CR1: variants seen among roughly 807,000 people sequenced by gnomAD.
CR1 encodes complement receptor type 1.
In CR1, 116 loss-of-function variants were observed where a neutral mutation model predicts 187.3. The observed-to-expected ratio is 0.62, with a 90% CI of 0.53 to 0.72. The LOEUF (loss-of-function observed/expected upper bound fraction) is 0.72. CR1 is among the 30% of genes least tolerant of loss of function. The pLI is 0.00. For synonymous variants in CR1, 576 were observed against 747.1 expected (o/e 0.77, Z 3.73); for missense variants, 1,731 against 2,110.7 (o/e 0.82, Z 3.52).
chr1:207,637,634 T>G (rs1662857275), intron 46 of CR1, among the ~76,000 whole-genome samples: 1 of 152,252 alleles, frequency 6.6e-6, no homozygotes. Flanking sequence ...CCTAGGCAGA[T>G]AGGAGGATAA....
rs1332301171 is a variant in CR1 at position 207,617,507 on chromosome 1, A to ATATGTGTGTGTGTGTG, written c.6890-563_6890-562insATGTGTGTGTGTGTGT. On this transcript the variant is annotated intron_variant, in intron 41 of 46. Coordinates refer to ENST00000367049, the MANE Select transcript of CR1 (RefSeq NM_000651.6). ...AGTATATATATATATATATATATATATGTGTGTGTGTGTGTGTGTGTGTGT... is the reference window on the plus strand; with the variant it reads ...AGTATATATATATATATATATATATATATGTGTGTGTGTGTGTGTGTGTGTGTGTGTGTGTGTGTGT... Among the ~76,000 whole-genome samples the ATATGTGTGTGTGTGTG allele has an allele frequency of 1.9e-3, 91 of 47,026 alleles. 4 individuals carry two copies. Among genetic ancestry groups the ATATGTGTGTGTGTGTG allele is most frequent in the African/African-American group, 5.6e-3 (88 of 15,784 alleles). The allele number at this position is 47,026 out of a possible 152,430, so 30.9% of individuals were successfully genotyped here.
At chr1:207,589,663 T>C (rs1347273770) in intron 35 of CR1, among the ~76,000 whole-genome samples, 4 of 151,952 alleles carry the variant, frequency 2.6e-5, no homozygotes. Flanking sequence ...AATAACAAAC[T>C]CCTCTGAGCT....
Position 207,639,485 on chromosome 1 carries a change from A to G in CR1, c.*76A>G, listed in dbSNP as rs1662915709. On this transcript the variant is annotated 3_prime_UTR_variant, in exon 47 of 47. Transcript: ENST00000367049. ...GGAGCCAATTGATTTCAACAGAATC[A>G]GATCTGAGCTTCATAAAGTCTTTGA... The G allele has an allele frequency of 7.2e-7, 1 of 1,396,894 alleles. No homozygotes were observed. Among genetic ancestry groups the G allele is most frequent in the Admixed American group, 2.0e-5 (1 of 50,968 alleles). 86.5% of individuals were successfully genotyped at this position (1,396,894 alleles called of 1,614,324 possible).
intron 3 of CR1, among the ~76,000 whole-genome samples, chr1:207,509,181 C>T (rs1378004951): frequency 1.3e-5 from 2 of 152,288 alleles, no homozygotes; most frequent in East Asian, 1.9e-4. Context: ...ATATCCCAGG[C>T]TTCACTGTCC....
chr1:207,505,133 T>A (rs1333816773), intron 1 of CR1, among the ~76,000 whole-genome samples: 1 of 152,190 alleles, frequency 6.6e-6, no homozygotes, highest in Non-Finnish European at 1.5e-5. Flanking sequence ...GGACTACTGT[T>A]GTAAAGGAAT....
At chr1:207,516,194 C>A (rs1659804657) in intron 4 of CR1, among the ~76,000 whole-genome samples, 1 of 152,148 alleles carries the variant, frequency 6.6e-6, no homozygotes. Flanking sequence ...TGCACTCCAG[C>A]CTAGGTGACA....
intron 46 of CR1, 97 bp downstream of exon 46, chr1:207,630,718 T>G: frequency 2.8e-6 from 2 of 704,254 alleles, no homozygotes; most frequent in Non-Finnish European, 4.4e-6. Context: ...GGTAGGTCAT[T>G]GATACCAAAG....
At chr1:207,515,305 T>TATATATATATACAC (rs1392824662) in intron 4 of CR1, among the ~76,000 whole-genome samples, 2 of 147,882 alleles carry the variant, frequency 1.4e-5, no homozygotes, top group African/African-American at 5.0e-5. Flanking sequence ...ATATACACAC[T>TATATATATATACAC]ATATATATAT....
At chr1:207,635,996 T>A (rs1361855999) in intron 46 of CR1, among the ~76,000 whole-genome samples, 1 of 152,146 alleles carries the variant, frequency 6.6e-6, no homozygotes, top group Non-Finnish European at 1.5e-5. Context: ...TTTTTCTTAG[T>A]ACAGAACAAA....
chr1:207,509,615 A>T (rs561746207), intron 3 of CR1, among the ~76,000 whole-genome samples: 1 of 152,326 alleles, frequency 6.6e-6, no homozygotes, highest in Non-Finnish European at 1.5e-5. Flanking sequence ...GTATTACAAC[A>T]CTGAACAATA....
At chr1:207,510,493 T>C (rs1163245557) in intron 3 of CR1, among the ~76,000 whole-genome samples, 2 of 152,212 alleles carry the variant, frequency 1.3e-5, no homozygotes, top group Non-Finnish European at 2.9e-5. Flanking sequence ...TGTATAGTAC[T>C]ATCAAGTTTG....
At chr1:207,502,647 T>C (rs751313396) in intron 1 of CR1, among the ~76,000 whole-genome samples, 4 of 152,216 alleles carry the variant, frequency 2.6e-5, no homozygotes, top group Admixed American at 6.5e-5. Context: ...GCTTCCTTGC[T>C]TAACAACTGC....
chr1:207,620,385 G>T (rs1662279300), intron 43 of CR1, among the ~76,000 whole-genome samples: 1 of 152,228 alleles, frequency 6.6e-6, no homozygotes, highest in African/African-American at 2.4e-5. Flanking sequence ...CACCTTCCAA[G>T]CTGCAGAGAG....
At position 207,595,155 on chromosome 1, in the gene CR1, A is replaced by C. The variant is rs994784953; in HGVS notation, c.5810+6381A>C. 4.4e-3 allele frequency among the ~76,000 whole-genome samples: 675 copies of C among 151,982 alleles called. 4 individuals are homozygous for C. Among genetic ancestry groups the C allele is most frequent in the African/African-American group, 0.016 (647 of 41,466 alleles). ...CCCAACCCCCGGAAAAAAAAAAAAA[A>C]AACACCAAAGGGATAATGAAGACAA... On this transcript the variant is annotated intron_variant, in intron 35 of 46. Coordinates refer to ENST00000367049, the MANE Select transcript of CR1 (RefSeq NM_000651.6).
intron 27 of CR1, among the ~76,000 whole-genome samples, chr1:207,574,396 A>AT (rs1181939829): frequency 6.6e-6 from 1 of 152,200 alleles, no homozygotes; most frequent in Non-Finnish European, 1.5e-5. Context: ...AGCCAAGCTA[A>AT]TATTCACACC....
chr1:207,514,384 T>G (rs1379754699), intron 4 of CR1, among the ~76,000 whole-genome samples: 1 of 152,148 alleles, frequency 6.6e-6, no homozygotes, highest in African/African-American at 2.4e-5. Context: ...AATCCATATG[T>G]TGAAATCCTT....
chr1:207,616,631 T>C lies in CR1; in HGVS notation c.6718T>C (p.Phe2240Leu). ...ILNGRHTGTPFGDIPYGKEIS... is the reference protein window; with the variant it reads ...ILNGRHTGTPLGDIPYGKEIS... ...TAATGGGAGACACACAGGAACTCCC[T>C]TTGGAGATATTCCCTATGGAAAAGA... Residue 2240 changes from phenylalanine to leucine, a missense_variant, in exon 41 of 47, where the codon TTT becomes CTT. By Grantham distance (22) the Phe-to-Leu change is conservative. This residue lies in a region of CR1 where 1,312 missense variants were observed against 1,379.6 expected (regional missense o/e 0.95). Transcript: ENST00000367049. 2 of 1,613,778 alleles carry C rather than the reference T, an allele frequency of 1.2e-6. No homozygotes were observed. Among genetic ancestry groups the C allele is most frequent in the Non-Finnish European group, 1.7e-6 (2 of 1,179,732 alleles).
intron 33 of CR1, among the ~76,000 whole-genome samples, chr1:207,586,503 G>T (rs748316157): frequency 4.6e-5 from 7 of 152,186 alleles, no homozygotes; most frequent in Non-Finnish European, 7.3e-5. Flanking sequence ...GTTTCCTAGG[G>T]CTGCTGTAAC....
intron 41 of CR1, among the ~76,000 whole-genome samples, chr1:207,617,442 A>G (rs1238869652): frequency 7.2e-6 from 1 of 138,940 alleles, no homozygotes; most frequent in Non-Finnish European, 1.6e-5. Context: ...ATACCTATGT[A>G]TCAAACCTGC....
Sources: gnomAD v4.1 joint callset for allele counts (sites outside exome capture counted in the v4.1 genomes callset) on GRCh38, gnomAD v4.1.1 for gene constraint, gnomAD v4.1.1 regional missense constraint, MANE v1.5 for transcripts, NCBI Gene and HGNC (gene_info 2026-07-23, HGNC 2026-07-21) for gene names.